SSC4D: variants seen among roughly 807,000 people sequenced by gnomAD.
The protein encoded by SSC4D is scavenger receptor cysteine rich family member with 4 domains.
A neutral mutation model predicts 63.4 loss-of-function variants in SSC4D; 57 were observed. The observed-to-expected ratio is 0.90, with a 90% CI of 0.73 to 1.12. SSC4D has a LOEUF of 1.12. Ranked by LOEUF, SSC4D falls within the 50% of genes most tolerant of loss-of-function variation. The pLI is 0.00. For missense variants in SSC4D, 791 were observed against 806.4 expected, an observed-to-expected ratio of 0.98 and a Z score of 0.23; for synonymous variants, 352 against 345.4, an observed-to-expected ratio of 1.02 and a Z score of -0.21.
intron 7 of SSC4D, 86 bp downstream of exon 7, chr7:76,395,167 G>C (rs118145346): frequency 0.021 from 31,387 of 1,509,624 alleles, 559 homozygotes; most frequent in East Asian, 0.071. Context: ...CAGGGCCCCC[G>C]CCTGTGAATC....
At chr7:76,404,629 C>T (rs1050138551) in intron 1 of SSC4D, 124 bp from the exon 2 acceptor site, 2 of 754,200 alleles carry the variant, frequency 2.7e-6, no homozygotes, top group African/African-American at 3.6e-5. Context: ...CCCATCTCTA[C>T]AAAAAGTTTT....
chr7:76,391,108 C>T (rs1015924689), intron 10 of SSC4D, among the ~76,000 whole-genome samples: 2 of 152,096 alleles, frequency 1.3e-5, no homozygotes, highest in Non-Finnish European at 2.9e-5. Context: ...GCATTCCAGC[C>T]TGGATGACAG....
Position 76,397,550 on chromosome 7 carries a change from C to G in SSC4D, c.836G>C (p.Gly279Ala). Residue 279 changes from glycine to alanine, a missense_variant, in exon 6 of 11, where the codon GGC (glycine) becomes GCC (alanine). Gly to Ala is a moderately conservative substitution (Grantham distance 60). Transcript: ENST00000275560. Reference sequence around the variant, plus strand: ...GAGCGCGCCCGCGTCCTCGTGGTGGCCGCAGTTGTGCACACCCCAGCCCAG... The same window carrying G: ...GAGCGCGCCCGCGTCCTCGTGGTGGGCGCAGTTGTGCACACCCCAGCCCAG... ...QSLGWGVHNC[G>A]HHEDAGALCA... The G allele has an allele frequency of 6.3e-7, 1 of 1,595,606 alleles. No individual in the cohort carries two copies. The highest frequency in any genetic ancestry group is 8.5e-7 in the Non-Finnish European group (1 of 1,171,656).
chr7:76,406,457 T>C (rs1480602324), intron 1 of SSC4D, among the ~76,000 whole-genome samples: 2 of 152,106 alleles, frequency 1.3e-5, no homozygotes, highest in Non-Finnish European at 2.9e-5. Flanking sequence ...AATTAATTAA[T>C]TAATTTTTTT....
rs766899317 is a variant in SSC4D, at chr7:76,403,347, C to CTTTTTTTTTTTTT, written c.133+959_133+960insAAAAAAAAAAAAA. On this transcript the variant is annotated intron_variant, in intron 2 of 10. Coordinates refer to ENST00000275560, the MANE Select transcript of SSC4D (RefSeq NM_080744.2). ...TGATGAAGAAACTGAGACTCCACTT[C>CTTTTTTTTTTTTT]TTTTTTTTGAGACAGAGTCTCGCCC... is the stretch of plus-strand genomic sequence containing the variant. Among the ~76,000 whole-genome samples, 95 of 149,570 alleles carry CTTTTTTTTTTTTT rather than the reference C, an allele frequency of 6.4e-4. 2 individuals are homozygous for CTTTTTTTTTTTTT. Among genetic ancestry groups the CTTTTTTTTTTTTT allele is most frequent in the South Asian group, 1.1e-3 (5 of 4,704 alleles).
At chr7:76,406,770 C>T (rs1406053726) in intron 1 of SSC4D, among the ~76,000 whole-genome samples, 13 of 151,234 alleles carry the variant, frequency 8.6e-5, no homozygotes, top group South Asian at 4.2e-4. Context: ...TTTTAATACC[C>T]CAATCCTAAA....
chr7:76,397,407 C>A, intron 6 of SSC4D, 111 bp downstream of exon 6: 1 of 1,323,578 alleles, frequency 7.6e-7, no homozygotes, highest in Non-Finnish European at 1.0e-6. Context: ...AGCATCAAGA[C>A]AGCCAAAACA....
intron 6 of SSC4D, among the ~76,000 whole-genome samples, chr7:76,396,379 T>C (rs919323196): frequency 1.3e-5 from 2 of 152,214 alleles, no homozygotes; most frequent in Non-Finnish European, 2.9e-5. Flanking sequence ...TCTTAAAATA[T>C]CTGCATAATC....
chr7:76,395,257 C>G lies in SSC4D; in HGVS notation c.942G>C (p.Pro314=). ...CTGGAGGGCTGAGCTCTTTACCGGA[C>G]GGATCTGTCTGCCAAGCCCAGTCCT... The part of the protein sequence containing the change: ...TREDWAWQTD[P]SATGVGPQPS... Residue 314 remains proline, a synonymous_variant, in exon 7 of 11, where the codon CCG becomes CCC. Transcript: ENST00000275560. The G allele has an allele frequency of 6.2e-7, 1 of 1,613,808 alleles. No individual in the cohort carries two copies. The highest frequency in any genetic ancestry group is 8.5e-7 in the Non-Finnish European group (1 of 1,179,996).
Position 76,400,593 on chromosome 7 carries a change from T to C in SSC4D, c.170-2A>G, listed in dbSNP as rs1328456566. On this transcript the variant is annotated splice_acceptor_variant, in intron 3 of 10. Coordinates refer to ENST00000275560, the MANE Select transcript of SSC4D (RefSeq NM_080744.2). LOFTEE classifies it high-confidence loss of function. ...TGGGGCCCCCCACCAGCCTCAGCTC[T>C]GTGAAGAGGGTGGAGCTGGCACCAG... 13 of 1,461,278 alleles carry C rather than the reference T, an allele frequency of 8.9e-6. No individual in the cohort carries two copies. In the Admixed American group the frequency reaches 1.1e-4, roughly 12 times the overall value. The allele number at this position is 1,461,278 out of a possible 1,614,324, so 90.5% of individuals were successfully genotyped here.
intron 1 of SSC4D, among the ~76,000 whole-genome samples, chr7:76,406,595 C>T (rs1037462665): frequency 2.7e-5 from 4 of 150,720 alleles, no homozygotes; most frequent in Non-Finnish European, 5.9e-5. Flanking sequence ...AGGATCCTCC[C>T]GTCTCAGCCT....
At position 76,400,469 on chromosome 7, in the gene SSC4D, G is replaced by A; in HGVS notation, c.292C>T (p.Gln98Ter). The change falls in exon 4 of 11, where the codon CAG (glutamine) becomes TAG (stop). Residue 98 changes from glutamine (Q) to a stop codon, truncating the protein, a stop_gained. Coordinates refer to ENST00000275560, the MANE Select transcript of SSC4D (RefSeq NM_080744.2). LOFTEE classifies it high-confidence loss of function. ...GGCAGTGCCAGGCCACAGCCCAGCTGGCGACACACTACGTTGGCGTCCACC... is the reference window on the plus strand; with the variant it reads ...GGCAGTGCCAGGCCACAGCCCAGCTAGCGACACACTACGTTGGCGTCCACC... ...DVVDANVVCRQLGCGLALPVP... is the reference protein window; with the variant it reads ...DVVDANVVCR 1 of 1,608,494 alleles carries A rather than the reference G, an allele frequency of 6.2e-7. No individual in the cohort carries two copies. Among genetic ancestry groups the A allele is most frequent in the Non-Finnish European group, 8.5e-7 (1 of 1,177,262 alleles).
intron 9 of SSC4D, among the ~76,000 whole-genome samples, chr7:76,392,927 C>CGAAAT (rs1170000703): frequency 1.3e-5 from 2 of 152,182 alleles, no homozygotes; most frequent in Non-Finnish European, 2.9e-5. Context: ...GATATCAATT[C>CGAAAT]CCACAGCAAT....
intron 10 of SSC4D, among the ~76,000 whole-genome samples, chr7:76,390,620 A>G (rs1804475730): frequency 6.6e-6 from 1 of 151,894 alleles, no homozygotes; most frequent in Non-Finnish European, 1.5e-5. Context: ...GATCGAGACC[A>G]TCCTGGCTAA....
chr7:76,396,291 C>A (rs1319165298), intron 6 of SSC4D, among the ~76,000 whole-genome samples: 1 of 152,212 alleles, frequency 6.6e-6, no homozygotes, highest in African/African-American at 2.4e-5. Context: ...TATGCCATGT[C>A]AGTTTACCAT....
chr7:76,408,949 G>C (rs1166198425), intron 1 of SSC4D, among the ~76,000 whole-genome samples: 1 of 152,148 alleles, frequency 6.6e-6, no homozygotes, highest in Non-Finnish European at 1.5e-5. Context: ...ACCTTGCAAA[G>C]CCTCACTGTT....
At chr7:76,392,669 G>A (rs547304830) in intron 9 of SSC4D, among the ~76,000 whole-genome samples, 1 of 152,112 alleles carries the variant, frequency 6.6e-6, no homozygotes, top group Admixed American at 6.6e-5. Flanking sequence ...CATGCCCCTT[G>A]TGGTCCCAGC....
intron 5 of SSC4D, 97 bp from the exon 6 acceptor site, chr7:76,397,929 T>G: frequency 6.4e-6 from 8 of 1,247,326 alleles, no homozygotes; most frequent in Non-Finnish European, 8.7e-6. Flanking sequence ...CTACAACCCT[T>G]GGGCATCTGC....
chr7:76,399,243 C>G (rs975920695), intron 4 of SSC4D, among the ~76,000 whole-genome samples: 3 of 152,074 alleles, frequency 2.0e-5, no homozygotes, highest in Non-Finnish European at 4.4e-5. Flanking sequence ...GAACTCCTGA[C>G]CTCAGGTGAT....
Sources: allele counts gnomAD v4.1 joint callset (sites outside exome capture counted in the v4.1 genomes callset), GRCh38; gene constraint gnomAD v4.1.1; transcripts MANE v1.5; gene names NCBI Gene and HGNC (gene_info 2026-07-23, HGNC 2026-07-21).